The following TSEN15 variants were observed in gnomAD, a reference collection of about 807,000 sequenced individuals.
TSEN15 encodes the protein tRNA splicing endonuclease subunit 15, also known as tRNA-splicing endonuclease subunit Sen15.
Under a neutral mutation model 20.5 loss-of-function variants are expected in TSEN15, and 10 were observed. The ratio of observed to expected loss-of-function variants is 0.49; its 90% CI spans 0.30 to 0.83. The LOEUF is 0.83. Ranked by LOEUF, TSEN15 falls within the 40% of genes least tolerant of loss-of-function variation. The pLI is 0.06. For synonymous variants in TSEN15, 72 were observed against 80.1 expected (o/e 0.90, Z 0.54); for missense variants, 180 against 218.6 (o/e 0.82, Z 1.11).
At position 184,072,238 on chromosome 1, in the gene TSEN15, G is replaced by T; in HGVS notation, c.435G>T (p.Glu145Asp). The change falls in exon 4 of 5, where the codon GAG (glutamate) becomes GAT (aspartate). Residue 145 changes from glutamate (E) to aspartate (D), a missense_variant. By Grantham distance (45) the Glu-to-Asp change is conservative. Transcript: ENST00000645668. ...TGTCTTTTACTTTGGCCATAGTGGAGTCTGATTCTACAATAGTCTATTATA... is the reference window on the plus strand; with the variant it reads ...TGTCTTTTACTTTGGCCATAGTGGATTCTGATTCTACAATAGTCTATTATA... ...LPMSFTLAIV[E>D]SDSTIVYYKL... The T allele has an allele frequency of 3.1e-6, 5 of 1,613,542 alleles. No individual in the cohort carries two copies. Among genetic ancestry groups the T allele is most frequent in the Non-Finnish European group, 4.2e-6 (5 of 1,179,686 alleles).
intron 4 of TSEN15, 120 bp downstream of exon 4, chr1:184,072,418 GA>G (rs543212100): frequency 3.2e-6 from 3 of 947,664 alleles, no homozygotes; most frequent in Non-Finnish European, 2.9e-6. Flanking sequence ...GAAAATTCAA[GA>G]AAAAAAGTCT....
chr1:184,074,267 A>G (rs1651012583), downstream of TSEN15: 1 of 152,152 alleles, frequency 6.6e-6, no homozygotes, highest in South Asian at 2.1e-4. Flanking sequence ...ATTACCACAA[A>G]TGTAGCAACT....
At chr1:184,088,401 T>C (rs1351892750) in intron 3 of TSEN15, among the ~76,000 whole-genome samples, 1 of 151,880 alleles carries the variant, frequency 6.6e-6, no homozygotes, top group East Asian at 1.9e-4. Flanking sequence ...TCTTTTGTAA[T>C]ATGTTCAATA....
At chr1:184,053,768 A>G (rs1432222120) in intron 1 of TSEN15, among the ~76,000 whole-genome samples, 7 of 152,232 alleles carry the variant, frequency 4.6e-5, no homozygotes, top group Non-Finnish European at 1.0e-4. Context: ...TTAAAGTGAG[A>G]AAGAGTGGGT....
chr1:184,053,413 G>T (rs1209481298), intron 1 of TSEN15, among the ~76,000 whole-genome samples: 1 of 152,170 alleles, frequency 6.6e-6, no homozygotes. Context: ...CACATGTTTA[G>T]CTTGACCACC....
chr1:184,064,724 G>T (rs928318432), intron 3 of TSEN15, among the ~76,000 whole-genome samples: 3 of 152,084 alleles, frequency 2.0e-5, no homozygotes, highest in African/African-American at 7.2e-5. Flanking sequence ...AGAATATTAG[G>T]AATTGTAATG....
At chr1:184,070,563 T>A in intron 3 of TSEN15, 4 of 851,804 alleles carry the variant, frequency 4.7e-6, no homozygotes, top group Non-Finnish European at 6.5e-6. Flanking sequence ...AAAAAATTAA[T>A]TCAAGATGGA....
chr1:184,077,360 C>T (rs1485719057), downstream of TSEN15, among the ~76,000 whole-genome samples: 2 of 152,028 alleles, frequency 1.3e-5, no homozygotes, highest in Non-Finnish European at 2.9e-5. Flanking sequence ...ACCTACTGCT[C>T]AGAAAAAAAG....
At chr1:184,093,010 A>G (rs571969450) in intron 3 of TSEN15, among the ~76,000 whole-genome samples, 46 of 152,266 alleles carry the variant, frequency 3.0e-4, no homozygotes, top group African/African-American at 1.0e-3. Context: ...ACTTGCTTTT[A>G]TTGCCTCTTT....
At chr1:184,055,684 T>A (rs1051475734) in intron 3 of TSEN15, among the ~76,000 whole-genome samples, 1 of 152,190 alleles carries the variant, frequency 6.6e-6, no homozygotes, top group Non-Finnish European at 1.5e-5. Context: ...AGACTTTTTT[T>A]AGGACCTTTT....
At chr1:184,064,791 TAGATG>T (rs1375347744) in intron 3 of TSEN15, among the ~76,000 whole-genome samples, 10 of 152,220 alleles carry the variant, frequency 6.6e-5, no homozygotes, top group African/African-American at 2.4e-4. Flanking sequence ...TGTAAGGATA[TAGATG>T]TTTAGCTATT....
chr1:184,064,980 A>G (rs748293541), intron 3 of TSEN15, among the ~76,000 whole-genome samples: 18 of 152,188 alleles, frequency 1.2e-4, no homozygotes, highest in Non-Finnish European at 2.2e-4. Flanking sequence ...AACCTCTTCC[A>G]TGAACCTCAG....
At chr1:184,061,124 G>A (rs1319621244) in intron 3 of TSEN15, among the ~76,000 whole-genome samples, 2 of 152,126 alleles carry the variant, frequency 1.3e-5, no homozygotes, top group African/African-American at 2.4e-5. Flanking sequence ...AAGAAAGAAT[G>A]TTGGAATATC....
At chr1:184,089,443 C>T (rs901275005) in intron 3 of TSEN15, among the ~76,000 whole-genome samples, 1 of 151,902 alleles carries the variant, frequency 6.6e-6, no homozygotes, top group African/African-American at 2.4e-5. Flanking sequence ...TGAGACCCTT[C>T]CCCCTTTTAG....
chr1:184,057,407 G>C (rs182565345), intron 3 of TSEN15, among the ~76,000 whole-genome samples: 48 of 152,238 alleles, frequency 3.2e-4, no homozygotes, highest in African/African-American at 1.1e-3. Context: ...ATTCCAGCAT[G>C]AATACCGTTG....
chr1:184,065,256 A>G (rs1431840857), intron 3 of TSEN15, among the ~76,000 whole-genome samples: 1 of 152,178 alleles, frequency 6.6e-6, no homozygotes, highest in Non-Finnish European at 1.5e-5. Context: ...AGCAGATAGT[A>G]CAGAGATTTC....
At chr1:184,083,174 A>G (rs899500129) in intron 3 of TSEN15, among the ~76,000 whole-genome samples, 1 of 152,044 alleles carries the variant, frequency 6.6e-6, no homozygotes, top group African/African-American at 2.4e-5. Context: ...TACCCACCCC[A>G]TCCAATTCCT....
chr1:184,053,948 C>T (rs1650149267), intron 1 of TSEN15, among the ~76,000 whole-genome samples: 1 of 152,172 alleles, frequency 6.6e-6, no homozygotes, highest in Admixed American at 6.5e-5. Context: ...GGCTTAATCC[C>T]ACCTTTGTGT....
intron 3 of TSEN15, chr1:184,094,296 C>A (rs926860810): frequency 1.3e-5 from 2 of 152,248 alleles, no homozygotes. Flanking sequence ...CTGTTGAATT[C>A]ATTCTGTTGA....
Sources: gnomAD v4.1 joint callset for allele counts (sites outside exome capture counted in the v4.1 genomes callset) on GRCh38, gnomAD v4.1.1 for gene constraint, MANE v1.5 for transcripts, NCBI Gene and HGNC (gene_info 2026-07-23, HGNC 2026-07-21) for gene names.